SLC24A2: variants seen among roughly 807,000 people sequenced by gnomAD.
The protein encoded by SLC24A2 is solute carrier family 24 member 2.
A neutral mutation model predicts 62.0 loss-of-function variants in SLC24A2; 36 were observed. The ratio of observed to expected loss-of-function variants is 0.58; its 90% CI spans 0.44 to 0.77. The LOEUF (loss-of-function observed/expected upper bound fraction) is 0.77, where lower values mean the gene tolerates loss of function less well. Among genes scored for constraint, SLC24A2 ranks in the 30% least tolerant of loss-of-function variants. SLC24A2 has a pLI of 0.00. For synonymous variants in SLC24A2, 358 were observed against 294.0 expected, an observed-to-expected ratio of 1.22 and a Z score of -2.23; for missense variants, 846 against 817.9, an observed-to-expected ratio of 1.03 and a Z score of -0.42.
At chr9:20,096,749 T>TTC in the SLC24A2 span, among the ~76,000 whole-genome samples, 3 of 152,092 alleles carry the variant, frequency 2.0e-5, no homozygotes, top group Non-Finnish European at 1.5e-5. Flanking sequence ...TTGAATATTC[T>TTC]TTTTTTTAAT....
At chr9:19,962,599 C>G in the SLC24A2 span, among the ~76,000 whole-genome samples, 1 of 152,078 alleles carries the variant, frequency 6.6e-6, no homozygotes, top group Non-Finnish European at 1.5e-5. Context: ...AGTTGGATTC[C>G]TAAGTATTTT....
chr9:20,158,998 T>G, the SLC24A2 span, among the ~76,000 whole-genome samples: 1 of 151,616 alleles, frequency 6.6e-6, no homozygotes, highest in African/African-American at 2.4e-5. Flanking sequence ...ATGATCAAAT[T>G]ATCTGTGAGG....
At chr9:20,009,101 C>T in the SLC24A2 span, among the ~76,000 whole-genome samples, 6 of 152,282 alleles carry the variant, frequency 3.9e-5, no homozygotes, top group East Asian at 1.9e-4. Flanking sequence ...ATTCTGGACT[C>T]ATGGTTTCTA....
In SLC24A2 at chr9:19,643,498, G is replaced by C. The variant is rs1395717991; in HGVS notation, c.931-21199C>G. Among the ~76,000 whole-genome samples the C allele has an allele frequency of 4.6e-5, 7 of 152,192 alleles. No individual in the cohort carries two copies. The East Asian group carries it at 1.4e-3, about 29-fold the overall frequency. ...TAGATCCTTTGGGGTATATTTCTCT[G>C]TATGCAGGGTGTTTGCTATTGATGG... is the stretch of plus-strand genomic sequence containing the variant. On this transcript the variant is annotated intron_variant, in intron 2 of 10. Transcript: ENST00000341998.
chr9:20,101,089 A>G, the SLC24A2 span, among the ~76,000 whole-genome samples: 7,537 of 152,296 alleles, frequency 0.049, 281 homozygotes, highest in Non-Finnish European at 0.08. Context: ...TAGCAAGTGG[A>G]GTGCTGAATT....
chr9:20,064,440 AT>A, the SLC24A2 span, among the ~76,000 whole-genome samples: 1 of 152,224 alleles, frequency 6.6e-6, no homozygotes, highest in Non-Finnish European at 1.5e-5. Flanking sequence ...ACTTAAAATT[AT>A]TGAATTATAA....
At chr9:19,733,178 C>G (rs1587237811) in intron 2 of SLC24A2, among the ~76,000 whole-genome samples, 2 of 151,676 alleles carry the variant, frequency 1.3e-5, no homozygotes, top group Admixed American at 6.6e-5. Flanking sequence ...GTGCCTGAGT[C>G]TCAATGATGG....
chr9:19,536,570 A>C (rs1833991406), intron 8 of SLC24A2, among the ~76,000 whole-genome samples: 1 of 73,920 alleles, frequency 1.4e-5, no homozygotes, highest in Non-Finnish European at 2.6e-5. Context: ...CATGGTGTAT[A>C]TGTGCCACAT....
chr9:19,598,586 A>G (rs1439494372), intron 4 of SLC24A2, among the ~76,000 whole-genome samples: 6 of 152,142 alleles, frequency 3.9e-5, no homozygotes. Flanking sequence ...AGGTGCTTCA[A>G]AAAGAAATTG....
chr9:20,171,112 A>G, the SLC24A2 span, among the ~76,000 whole-genome samples: 4 of 152,022 alleles, frequency 2.6e-5, no homozygotes, highest in East Asian at 5.8e-4. Context: ...TGTGTCCAGC[A>G]AAACTAAGCC....
At chr9:19,720,120 T>C (rs931751101) in intron 2 of SLC24A2, among the ~76,000 whole-genome samples, 1 of 152,184 alleles carries the variant, frequency 6.6e-6, no homozygotes, top group Non-Finnish European at 1.5e-5. Context: ...GTAATTGTGG[T>C]TTTCACCATT....
chr9:20,029,624 G>A, the SLC24A2 span, among the ~76,000 whole-genome samples: 2 of 152,290 alleles, frequency 1.3e-5, no homozygotes, highest in African/African-American at 4.8e-5. Context: ...CTTGTGAAAT[G>A]TCAGGCAGTT....
At chr9:20,133,773 T>C in the SLC24A2 span, among the ~76,000 whole-genome samples, 125 of 152,136 alleles carry the variant, frequency 8.2e-4, no homozygotes, top group South Asian at 1.7e-3. Flanking sequence ...TTCAGGAAAA[T>C]AAAACAAACA....
rs749727563 is a variant in SLC24A2, at chr9:19,786,680, C to G, written c.187G>C (p.Asp63His). ...CTGGCCTCTCCTGTGCTCTGTGTATCTGTCTCAGAAAAGGCACTGATTGAA... is the reference window on the plus strand; with the variant it reads ...CTGGCCTCTCCTGTGCTCTGTGTATGTGTCTCAGAAAAGGCACTGATTGAA... ...SFSISAFSET[D>H]TQSTGEASVV... is the part of the protein sequence containing the mutation. The change falls in exon 2 of 11, where the codon GAT becomes CAT. Residue 63 changes from aspartate to histidine, a missense_variant. Transcript: ENST00000341998. The surrounding 1 kb of genome is among the most constrained non-coding windows in gnomAD (Gnocchi z 5.0). 14 of 1,613,546 alleles carry G rather than the reference C, an allele frequency of 8.7e-6. No homozygotes were observed. The East Asian group carries it at 2.7e-4, about 31-fold the overall frequency.
At chr9:19,760,530 C>CA (rs1224415048) in intron 2 of SLC24A2, among the ~76,000 whole-genome samples, 4 of 151,814 alleles carry the variant, frequency 2.6e-5, no homozygotes, top group Non-Finnish European at 5.9e-5. Context: ...CCCTGACCCC[C>CA]CCAACAGGCT....
the SLC24A2 span, among the ~76,000 whole-genome samples, chr9:19,796,081 T>G: frequency 8.0e-6 from 1 of 125,364 alleles, no homozygotes; most frequent in Non-Finnish European, 1.6e-5. Context: ...TGAGAACACA[T>G]GGACACAGGA....
At chr9:20,198,044 A>C in the SLC24A2 span, among the ~76,000 whole-genome samples, 1 of 152,246 alleles carries the variant, frequency 6.6e-6, no homozygotes, top group South Asian at 2.1e-4. Context: ...GTGGTTACAA[A>C]ACACCCCACT....
At chr9:20,205,283 T>C in the SLC24A2 span, among the ~76,000 whole-genome samples, 2 of 152,100 alleles carry the variant, frequency 1.3e-5, no homozygotes, top group African/African-American at 4.8e-5. Flanking sequence ...ATCTGCATGA[T>C]TGAATTGCAA....
intron 2 of SLC24A2, among the ~76,000 whole-genome samples, chr9:19,671,413 A>G (rs1819412271): frequency 6.6e-6 from 1 of 152,098 alleles, no homozygotes; most frequent in Non-Finnish European, 1.5e-5. Context: ...TTGTGTCCTG[A>G]GACTCTGCTG....
Sources: allele counts gnomAD v4.1 joint callset (sites outside exome capture counted in the v4.1 genomes callset), GRCh38; gene constraint gnomAD v4.1.1; non-coding constraint Gnocchi (gnomAD v3.1); transcripts MANE v1.5; gene names NCBI Gene and HGNC (gene_info 2026-07-23, HGNC 2026-07-21).